The following CLNK variants were observed in gnomAD, a reference collection of about 807,000 sequenced individuals.
The protein encoded by CLNK is cytokine dependent hematopoietic cell linker, also known as cytokine-dependent hematopoietic cell linker.
Under a neutral mutation model 68.6 loss-of-function variants are expected in CLNK, and 74 were observed. The observed-to-expected ratio is 1.08, with a 90% CI of 0.89 to 1.31. The LOEUF (loss-of-function observed/expected upper bound fraction) is 1.31. Ranked by LOEUF, CLNK falls within the 50% of genes most tolerant of loss-of-function variation. The probability of loss-of-function intolerance (pLI) is 0.00; values close to 1 mark genes in which losing one functional copy is unlikely to be tolerated. For synonymous variants in CLNK, 198 were observed against 172.2 expected (o/e 1.15, Z -1.17); for missense variants, 553 against 515.3 (o/e 1.07, Z -0.71).
intron 8 of CLNK, among the ~76,000 whole-genome samples, chr4:10,547,139 A>G (rs74406810): frequency 6.6e-6 from 1 of 152,178 alleles, no homozygotes; most frequent in African/African-American, 2.4e-5. Flanking sequence ...AAGTTTCAAC[A>G]TGAGATTTGG....
intron 1 of CLNK, among the ~76,000 whole-genome samples, chr4:10,676,768 C>T (rs1248023007): frequency 6.6e-6 from 1 of 151,806 alleles, no homozygotes; most frequent in East Asian, 1.9e-4. Flanking sequence ...GTTCATTTAG[C>T]TTTCTCATGT....
chr4:10,575,726 C>A (rs756426531), intron 4 of CLNK, among the ~76,000 whole-genome samples: 1 of 152,222 alleles, frequency 6.6e-6, no homozygotes. Context: ...TGGGCAGAGA[C>A]CCCAAGGCCC....
At chr4:10,708,828 T>C in the CLNK span, among the ~76,000 whole-genome samples, 4 of 152,204 alleles carry the variant, frequency 2.6e-5, no homozygotes, top group Non-Finnish European at 5.9e-5. Context: ...TCATAGCATT[T>C]ACAGTGTCAC....
chr4:10,602,366 T>C (rs1220054957), intron 2 of CLNK, among the ~76,000 whole-genome samples: 1 of 152,218 alleles, frequency 6.6e-6, no homozygotes, highest in Non-Finnish European at 1.5e-5. Flanking sequence ...AAAGCGTCTT[T>C]AGCAATGTAA....
intron 2 of CLNK, among the ~76,000 whole-genome samples, chr4:10,640,364 C>T (rs978234159): frequency 6.6e-6 from 1 of 152,146 alleles, no homozygotes; most frequent in Non-Finnish European, 1.5e-5. Flanking sequence ...AGGGGTTTCG[C>T]CATTTTGGCC....
intron 2 of CLNK, among the ~76,000 whole-genome samples, chr4:10,656,777 G>A (rs73810359): frequency 0.065 from 9,961 of 152,164 alleles, 744 homozygotes; most frequent in African/African-American, 0.18. Context: ...AACAGCACTT[G>A]TATTAGCAAT....
intron 2 of CLNK, among the ~76,000 whole-genome samples, chr4:10,637,111 A>G (rs1006563379): frequency 3.9e-5 from 6 of 152,174 alleles, no homozygotes; most frequent in African/African-American, 2.4e-5. Flanking sequence ...ACATGTTTCT[A>G]TCATTTTCTG....
intron 17 of CLNK, among the ~76,000 whole-genome samples, chr4:10,503,945 G>T (rs968439544): frequency 6.6e-6 from 1 of 150,910 alleles, no homozygotes; most frequent in Non-Finnish European, 1.5e-5. Flanking sequence ...ACCACGCCTA[G>T]CTAATTTTTG....
At chr4:10,708,443 C>T in the CLNK span, among the ~76,000 whole-genome samples, 1 of 151,954 alleles carries the variant, frequency 6.6e-6, no homozygotes, top group Non-Finnish European at 1.5e-5. Context: ...GTAACTTGCC[C>T]AAGGTGACAT....
At chr4:10,546,707 A>G (rs1226110294) in intron 8 of CLNK, among the ~76,000 whole-genome samples, 3 of 151,992 alleles carry the variant, frequency 2.0e-5, no homozygotes, top group African/African-American at 7.3e-5. Context: ...GGTATTCATT[A>G]TCAGCAACAC....
At chr4:10,659,247 G>A (rs969115583) in intron 2 of CLNK, among the ~76,000 whole-genome samples, 23 of 152,196 alleles carry the variant, frequency 1.5e-4, no homozygotes, top group Admixed American at 1.5e-3. Flanking sequence ...ATTGCTAAAA[G>A]TGTGATTACT....
chr4:10,559,595 G>T (rs1345981130), intron 7 of CLNK, among the ~76,000 whole-genome samples: 1 of 152,108 alleles, frequency 6.6e-6, no homozygotes, highest in Non-Finnish European at 1.5e-5. Context: ...CCTGGTCATG[G>T]AGGCAGGAGA....
the CLNK span, among the ~76,000 whole-genome samples, chr4:10,725,286 A>G: frequency 6.6e-6 from 1 of 152,158 alleles, no homozygotes; most frequent in Non-Finnish European, 1.5e-5. Context: ...CTGGCTTTGC[A>G]CCAGGCCAGG....
intron 1 of CLNK, among the ~76,000 whole-genome samples, chr4:10,673,238 G>T (rs1211017970): frequency 3.3e-5 from 5 of 152,130 alleles, no homozygotes; most frequent in African/African-American, 1.2e-4. Context: ...GAATTAGAGA[G>T]CATAGAGCAT....
intron 7 of CLNK, among the ~76,000 whole-genome samples, chr4:10,564,039 A>C (rs1050877405): frequency 6.6e-6 from 1 of 152,194 alleles, no homozygotes; most frequent in African/African-American, 2.4e-5. Context: ...AAGTGTTAGC[A>C]AATGTTTTAT....
intron 16 of CLNK, among the ~76,000 whole-genome samples, chr4:10,512,718 T>C (rs1717645250): frequency 6.6e-6 from 1 of 151,868 alleles, no homozygotes; most frequent in Non-Finnish European, 1.5e-5. Context: ...CAGTGAGTAA[T>C]AGCAGGATAT....
intron 2 of CLNK, among the ~76,000 whole-genome samples, chr4:10,661,088 TTC>T (rs1209751224): frequency 6.6e-6 from 1 of 152,168 alleles, no homozygotes; most frequent in East Asian, 1.9e-4. Flanking sequence ...TTTCTCTAGA[TTC>T]AGTGGGATTT....
the CLNK span, among the ~76,000 whole-genome samples, chr4:10,702,654 C>A: frequency 6.6e-6 from 1 of 152,262 alleles, no homozygotes; most frequent in South Asian, 2.1e-4. Context: ...CAGTCCAAGT[C>A]CTCCAGATGC....
chr4:10,611,496 G>GAAAAAAA (rs10692993), intron 2 of CLNK, among the ~76,000 whole-genome samples: 1 of 134,690 alleles, frequency 7.4e-6, no homozygotes. Context: ...GGCTAAGTCT[G>GAAAAAAA]AAAAAAAAAA....
Sources: gnomAD v4.1 joint callset for allele counts (sites outside exome capture counted in the v4.1 genomes callset) on GRCh38, gnomAD v4.1.1 for gene constraint, MANE v1.5 for transcripts, NCBI Gene and HGNC (gene_info 2026-07-23, HGNC 2026-07-21) for gene names.